Variants in TRDN observed in about 807,000 individuals in gnomAD.
TRDN encodes the protein triadin.
TRDN carries 161 observed loss-of-function variants against 149.7 expected under a neutral mutation model. The observed-to-expected ratio is 1.08, with a 90% CI of 0.95 to 1.23. The LOEUF is 1.23. TRDN is among the 50% of genes most tolerant of loss of function. The probability of loss-of-function intolerance (pLI) is 0.00; values close to 1 mark genes in which losing one functional copy is unlikely to be tolerated. For missense variants in TRDN, 896 were observed against 823.5 expected (o/e 1.09, Z -1.08); for synonymous variants, 294 against 250.5 (o/e 1.17, Z -1.64).
At chr6:123,418,692 A>G (rs555925458) in intron 12 of TRDN, 1 of 152,276 alleles carries the variant, frequency 6.6e-6, no homozygotes, top group African/African-American at 2.4e-5. Context: ...CAACCCCAAC[A>G]TAAAGCCACT....
At chr6:123,324,352 T>C (rs542643780) in intron 23 of TRDN, among the ~76,000 whole-genome samples, 7 of 152,210 alleles carry the variant, frequency 4.6e-5, no homozygotes, top group African/African-American at 1.7e-4. Flanking sequence ...GTGTGGTGCA[T>C]GCTTATAATT....
At chr6:123,449,588 A>T (rs577072156) in intron 10 of TRDN, among the ~76,000 whole-genome samples, 2 of 152,162 alleles carry the variant, frequency 1.3e-5, no homozygotes, top group African/African-American at 4.8e-5. Context: ...GACCAAATCT[A>T]AGAATAATCG....
intron 10 of TRDN, among the ~76,000 whole-genome samples, chr6:123,457,289 G>C (rs890272836): frequency 6.6e-6 from 1 of 152,188 alleles, no homozygotes; most frequent in Non-Finnish European, 1.5e-5. Flanking sequence ...AATACCTCTT[G>C]ATACTGAACA....
intron 12 of TRDN, among the ~76,000 whole-genome samples, 182 bp downstream of exon 12, chr6:123,437,881 A>G (rs1217690473): frequency 1.3e-5 from 2 of 152,086 alleles, no homozygotes; most frequent in African/African-American, 4.8e-5. Flanking sequence ...TCCTATTGCA[A>G]TAGCCTTGAA....
chr6:123,282,513 T>C (rs915709834), intron 24 of TRDN, among the ~76,000 whole-genome samples: 33 of 152,050 alleles, frequency 2.2e-4, no homozygotes, highest in Admixed American at 7.2e-4. Flanking sequence ...CTTTCTGTTA[T>C]ATTTATATTA....
chr6:123,516,230 T>G (rs752270098), intron 5 of TRDN, 24 bp from the exon 6 acceptor site: 3 of 1,459,476 alleles, frequency 2.1e-6, no homozygotes, highest in Non-Finnish European at 9.1e-7. Context: ...GATAAATAGT[T>G]TTCATTTAAA....
At chr6:123,492,130 C>T (rs1247099301) in intron 9 of TRDN, among the ~76,000 whole-genome samples, 1 of 152,050 alleles carries the variant, frequency 6.6e-6, no homozygotes, top group African/African-American at 2.4e-5. Flanking sequence ...TTATTACAAT[C>T]AGAGAAGATT....
intron 1 of TRDN, among the ~76,000 whole-genome samples, chr6:123,608,615 C>T (rs1181257386): frequency 6.6e-6 from 1 of 152,076 alleles, no homozygotes; most frequent in Non-Finnish European, 1.5e-5. Context: ...TCTCATTATG[C>T]AACTTTAAAA....
At chr6:123,592,643 C>T (rs1047006545) in intron 1 of TRDN, among the ~76,000 whole-genome samples, 3 of 152,184 alleles carry the variant, frequency 2.0e-5, no homozygotes, top group African/African-American at 7.2e-5. Context: ...GCAGTAATTT[C>T]TGTGGAGTGA....
intron 2 of TRDN, among the ~76,000 whole-genome samples, chr6:123,558,783 T>C (rs1301896464): frequency 6.6e-6 from 1 of 151,774 alleles, no homozygotes; most frequent in Non-Finnish European, 1.5e-5. Context: ...GCAATGTATT[T>C]CTGAGTTGCA....
chr6:123,489,486 C>T (rs1465284306), intron 9 of TRDN: 1 of 151,960 alleles, frequency 6.6e-6, no homozygotes, highest in Non-Finnish European at 1.5e-5. Flanking sequence ...TATTTCTTGA[C>T]TTATTTGTTT....
At chr6:123,590,409 T>C (rs1783721833) in intron 1 of TRDN, among the ~76,000 whole-genome samples, 1 of 152,208 alleles carries the variant, frequency 6.6e-6, no homozygotes, top group East Asian at 1.9e-4. Context: ...CTTCAGAGTT[T>C]CTACCAATTC....
intron 24 of TRDN, among the ~76,000 whole-genome samples, chr6:123,301,774 T>TATATATATACATATATATATATATATAC (rs1778433110): frequency 5.0e-5 from 7 of 138,658 alleles, no homozygotes; most frequent in African/African-American, 1.8e-4. Context: ...TATATACATA[T>TATATATATACATATATATATATATATAC]ATATATATAT....
At chr6:123,559,602 C>A in intron 2 of TRDN, among the ~76,000 whole-genome samples, 1 of 152,130 alleles carries the variant, frequency 6.6e-6, no homozygotes, top group East Asian at 1.9e-4. Context: ...CACCCTTACC[C>A]CAATCAATGC....
At chr6:123,454,084 G>A (rs1020080979) in intron 10 of TRDN, among the ~76,000 whole-genome samples, 1 of 151,934 alleles carries the variant, frequency 6.6e-6, no homozygotes, top group Non-Finnish European at 1.5e-5. Flanking sequence ...AAGCTATAAG[G>A]ACACAAAGAC....
intron 33 of TRDN, among the ~76,000 whole-genome samples, chr6:123,264,475 G>A (rs1776871321): frequency 6.6e-6 from 1 of 152,006 alleles, no homozygotes; most frequent in South Asian, 2.1e-4. Context: ...AAAAGAAAGT[G>A]GATACTTGAG....
intron 12 of TRDN, among the ~76,000 whole-genome samples, chr6:123,405,985 A>G (rs1461501533): frequency 1.3e-5 from 2 of 152,184 alleles, no homozygotes; most frequent in Non-Finnish European, 2.9e-5. Context: ...TTATCTTGAG[A>G]CCATATTTGA....
At position 123,260,644 on chromosome 6, in the gene TRDN, G is replaced by GAA. The variant is rs11373802; in HGVS notation, c.1805-8_1805-7dup. On this transcript the variant is annotated splice_polypyrimidine_tract_variant and splice_region_variant and intron_variant, in intron 33 of 40. Coordinates refer to ENST00000334268, the MANE Select transcript of TRDN (RefSeq NM_006073.4). The stretch of plus-strand genomic sequence containing the variant: ...TGTGACTTCTGATGTTCCTTCTTTA[G>GAA]AAAAAAAAAAAAAAAGAATGTAGAA... 71,945 of 1,044,546 alleles carry GAA rather than the reference G, an allele frequency of 0.069. 70 individuals carry two copies. The highest frequency in any genetic ancestry group is 0.11 in the South Asian group (5,352 of 48,214). 64.7% of individuals were successfully genotyped at this position (1,044,546 alleles called of 1,614,324 possible). A position where few individuals can be genotyped will look rare whatever the true frequency, so the allele number is the denominator to read the frequency against.
At chr6:123,624,675 T>G (rs959010193) in intron 1 of TRDN, among the ~76,000 whole-genome samples, 54 of 152,308 alleles carry the variant, frequency 3.5e-4, no homozygotes, top group African/African-American at 1.3e-3. Context: ...AGCAACTGAT[T>G]CTTCTTTGTA....
Sources: allele counts gnomAD v4.1 joint callset (sites outside exome capture counted in the v4.1 genomes callset), GRCh38; gene constraint gnomAD v4.1.1; transcripts MANE v1.5; gene names NCBI Gene and HGNC (gene_info 2026-07-23, HGNC 2026-07-21).